NRG3: variants seen among roughly 807,000 people sequenced by gnomAD.
NRG3 encodes neuregulin 3, also known as pro-neuregulin-3, membrane-bound isoform.
Under a neutral mutation model 66.9 loss-of-function variants are expected in NRG3, and 31 were observed. That is an observed-to-expected ratio of 0.46 (90% CI 0.35 to 0.63). The LOEUF (loss-of-function observed/expected upper bound fraction) is 0.63, where lower values mean the gene tolerates loss of function less well. Among genes scored for constraint, NRG3 ranks in the 20% least tolerant of loss-of-function variants. The probability of loss-of-function intolerance (pLI) is 0.00; values close to 1 mark genes in which losing one functional copy is unlikely to be tolerated. For missense variants in NRG3, 910 were observed against 878.9 expected (o/e 1.04, Z -0.45); for synonymous variants, 393 against 359.4 (o/e 1.09, Z -1.06).
chr10:81,878,093 A>G, intron 1 of NRG3: 1 of 1,530,238 alleles, frequency 6.5e-7, no homozygotes, highest in South Asian at 1.2e-5. Context: ...AGAAAAGCCC[A>G]AGGTAATTAT....
chr10:81,991,982 G>T (rs1334932013), intron 1 of NRG3, among the ~76,000 whole-genome samples: 2 of 152,020 alleles, frequency 1.3e-5, no homozygotes, highest in Non-Finnish European at 2.9e-5. Flanking sequence ...AAAGTGTCAT[G>T]CTTTACGTTT....
intron 1 of NRG3, among the ~76,000 whole-genome samples, chr10:82,217,564 C>T (rs1400378587): frequency 1.3e-5 from 2 of 152,140 alleles, no homozygotes; most frequent in Non-Finnish European, 1.5e-5. Flanking sequence ...TAGCTTTTCC[C>T]AGCTGTAAAA....
chr10:82,665,368 C>A (rs2133992082), intron 2 of NRG3, among the ~76,000 whole-genome samples: 1 of 152,338 alleles, frequency 6.6e-6, no homozygotes, highest in Non-Finnish European at 1.5e-5. Context: ...TAGACACCAT[C>A]TTTTATTAAA....
intron 1 of NRG3, among the ~76,000 whole-genome samples, chr10:82,001,286 C>T (rs1483818135): frequency 2.0e-5 from 3 of 151,664 alleles, no homozygotes; most frequent in South Asian, 2.1e-4. Flanking sequence ...GCAGATCGCT[C>T]GAGGTCAGGA....
At chr10:82,300,791 G>A (rs2080356224) in intron 1 of NRG3, among the ~76,000 whole-genome samples, 1 of 151,946 alleles carries the variant, frequency 6.6e-6, no homozygotes, top group South Asian at 2.1e-4. Context: ...TTGGAAGGGT[G>A]GCAGATACTC....
At chr10:82,868,375 G>A (rs1009587022) in intron 4 of NRG3, among the ~76,000 whole-genome samples, 2 of 152,158 alleles carry the variant, frequency 1.3e-5, no homozygotes, top group Non-Finnish European at 2.9e-5. Flanking sequence ...GTAATAGTGA[G>A]TTTTGCAAAA....
intron 2 of NRG3, among the ~76,000 whole-genome samples, chr10:82,445,504 C>T (rs1487582091): frequency 6.6e-6 from 1 of 152,166 alleles, no homozygotes; most frequent in Non-Finnish European, 1.5e-5. Context: ...TAGGGGCTCT[C>T]TGTGTCTAAA....
intron 1 of NRG3, among the ~76,000 whole-genome samples, chr10:82,223,637 C>T (rs988879538): frequency 8.8e-6 from 1 of 113,160 alleles, no homozygotes; most frequent in African/African-American, 3.5e-5. Context: ...CCAGCAACCA[C>T]CCCAAACACA....
At chr10:82,343,485 A>G (rs2082792392) in intron 1 of NRG3, among the ~76,000 whole-genome samples, 1 of 152,168 alleles carries the variant, frequency 6.6e-6, no homozygotes, top group Non-Finnish European at 1.5e-5. Flanking sequence ...CAATGTACAT[A>G]TTCAACACCA....
intron 2 of NRG3, among the ~76,000 whole-genome samples, chr10:82,455,030 G>A (rs776273011): frequency 3.3e-5 from 5 of 152,148 alleles, no homozygotes; most frequent in Non-Finnish European, 7.3e-5. Context: ...TTCAGCTAAT[G>A]AGTGGAGGGA....
intron 2 of NRG3, among the ~76,000 whole-genome samples, chr10:82,470,089 T>C (rs1841101593): frequency 6.6e-6 from 1 of 152,184 alleles, no homozygotes; most frequent in African/African-American, 2.4e-5. Flanking sequence ...CTCTGGCCTC[T>C]TTATAACCTG....
At chr10:81,922,652 C>T (rs1176648064) in intron 1 of NRG3, among the ~76,000 whole-genome samples, 1 of 151,962 alleles carries the variant, frequency 6.6e-6, no homozygotes, top group African/African-American at 2.4e-5. Flanking sequence ...TTTTTCTTTT[C>T]CTGTCTTTCG....
chr10:82,223,642 A>AAAACACACACACACACAC (rs1225527774), intron 1 of NRG3, among the ~76,000 whole-genome samples: 1 of 137,926 alleles, frequency 7.3e-6, no homozygotes, highest in African/African-American at 2.8e-5. Context: ...AACCACCCCA[A>AAAACACACACACACACAC]ACACACACAC....
intron 1 of NRG3, among the ~76,000 whole-genome samples, chr10:81,984,204 A>C (rs1409690512): frequency 6.6e-6 from 1 of 152,206 alleles, no homozygotes; most frequent in Non-Finnish European, 1.5e-5. Context: ...GAATTGCAAG[A>C]TAATAAAATT....
intron 3 of NRG3, among the ~76,000 whole-genome samples, chr10:82,800,961 GGAGCTGGA>G (rs1366874196): frequency 6.6e-6 from 1 of 152,174 alleles, no homozygotes; most frequent in Non-Finnish European, 1.5e-5. Context: ...AGAGATCTGG[GGAGCTGGA>G]AGGTGGGAAA....
chr10:82,290,756 C>T (rs903490227), intron 1 of NRG3, among the ~76,000 whole-genome samples: 1 of 151,724 alleles, frequency 6.6e-6, no homozygotes, highest in Non-Finnish European at 1.5e-5. Flanking sequence ...GCCTCAGCCT[C>T]CCGAGTAGCT....
At chr10:82,662,618 G>C (rs2052453135) in intron 2 of NRG3, among the ~76,000 whole-genome samples, 1 of 152,132 alleles carries the variant, frequency 6.6e-6, no homozygotes, top group South Asian at 2.1e-4. Context: ...CAAGGGAATG[G>C]ATATGTGCCA....
At chr10:82,498,942 G>A (rs1272716413) in intron 2 of NRG3, among the ~76,000 whole-genome samples, 6 of 152,104 alleles carry the variant, frequency 3.9e-5, no homozygotes, top group South Asian at 4.1e-4. Context: ...TGGGAAGCTT[G>A]TAGACTCCAG....
In NRG3 at chr10:82,916,381, G is replaced by T. The variant is rs552377988; in HGVS notation, c.1055-35088G>T. On this transcript the variant is annotated intron_variant, in intron 4 of 8. Transcript: ENST00000372141. ...GTGGGAGTAATGCTTGAGCCTGGGAGGTCAAGGTTGTAGTGAGCCATACTT... is the reference window on the plus strand; with the variant it reads ...GTGGGAGTAATGCTTGAGCCTGGGATGTCAAGGTTGTAGTGAGCCATACTT... Among the ~76,000 whole-genome samples the T allele has an allele frequency of 3.3e-5, 5 of 152,276 alleles. No individual in the cohort carries two copies. In the South Asian group the frequency reaches 8.3e-4, roughly 25 times the overall value.
Sources: allele counts gnomAD v4.1 joint callset (sites outside exome capture counted in the v4.1 genomes callset), GRCh38; gene constraint gnomAD v4.1.1; transcripts MANE v1.5; gene names NCBI Gene and HGNC (gene_info 2026-07-23, HGNC 2026-07-21).